The following GCLC variants were observed in gnomAD, a reference collection of about 807,000 sequenced individuals.
GCLC encodes the protein glutamate-cysteine ligase catalytic subunit.
Under a neutral mutation model 81.5 loss-of-function variants are expected in GCLC, and 30 were observed. That is an observed-to-expected ratio of 0.37 (90% CI 0.28 to 0.50). The LOEUF (loss-of-function observed/expected upper bound fraction) is 0.50. Among genes scored for constraint, GCLC ranks in the 20% least tolerant of loss-of-function variants. The pLI is 0.96. For synonymous variants in GCLC, 262 were observed against 273.3 expected (o/e 0.96, Z 0.41); for missense variants, 556 against 777.4 (o/e 0.72, Z 3.39).
chr6:53,543,751 G>A (rs1763398606), intron 1 of GCLC, among the ~76,000 whole-genome samples: 1 of 152,168 alleles, frequency 6.6e-6, no homozygotes, highest in South Asian at 2.1e-4. Context: ...ATAAACAATG[G>A]TTCAACCTAC....
intron 1 of GCLC, chr6:53,523,155 G>A (rs1311469923): frequency 1.3e-5 from 2 of 152,718 alleles, no homozygotes; most frequent in African/African-American, 2.4e-5. Context: ...AATGCAGGGT[G>A]CACTAGTACA....
chr6:53,513,773 A>G (rs1764803670), intron 6 of GCLC: 1 of 192,830 alleles, frequency 5.2e-6, no homozygotes, highest in Non-Finnish European at 1.1e-5. Context: ...ACCGCTAGAC[A>G]GCTTTGCACA....
intron 3 of GCLC, among the ~76,000 whole-genome samples, chr6:53,517,257 T>TTG (rs1561943922): frequency 3.3e-5 from 3 of 90,786 alleles, no homozygotes; most frequent in Non-Finnish European, 4.6e-5. Flanking sequence ...AAGTTTTTTT[T>TTG]TTTTTTTTTT....
intron 1 of GCLC, among the ~76,000 whole-genome samples, chr6:53,529,277 C>T (rs566415531): frequency 6.6e-6 from 1 of 152,246 alleles, no homozygotes; most frequent in Admixed American, 6.5e-5. Context: ...CTTTCATGCT[C>T]CACGGATGCA....
chr6:53,533,435 C>T (rs1763205254), intron 1 of GCLC, among the ~76,000 whole-genome samples: 1 of 152,146 alleles, frequency 6.6e-6, no homozygotes, highest in South Asian at 2.1e-4. Flanking sequence ...TCTTGAAAGC[C>T]TGCCATCATT....
chr6:53,543,563 T>C (rs1412058696), intron 1 of GCLC, among the ~76,000 whole-genome samples: 1 of 152,018 alleles, frequency 6.6e-6, no homozygotes, highest in African/African-American at 2.4e-5. Context: ...TTTACACAGG[T>C]GGCAAGCCAT....
chr6:53,513,308 C>T (rs917833724), intron 6 of GCLC: 6 of 152,204 alleles, frequency 3.9e-5, no homozygotes, highest in African/African-American at 1.4e-4. Flanking sequence ...TCTGCACGGC[C>T]CTGTGCCTCT....
intron 12 of GCLC, 93 bp from the exon 13 acceptor site, chr6:53,500,606 T>C (rs1001449630): frequency 1.1e-6 from 1 of 872,392 alleles, no homozygotes; most frequent in African/African-American, 1.6e-5. Context: ...TTAGGACTCA[T>C]TCCCTTAGGG....
chr6:53,539,562 C>T (rs1186323407), intron 1 of GCLC, among the ~76,000 whole-genome samples: 12 of 152,144 alleles, frequency 7.9e-5, no homozygotes, highest in Admixed American at 7.9e-4. Context: ...TCTAAAGTGG[C>T]AGCCTCTCCT....
In GCLC at chr6:53,525,315, G is replaced by A. The variant is rs1162216093; in HGVS notation, c.151-2788C>T. Among the ~76,000 whole-genome samples the A allele has an allele frequency of 2.0e-5, 3 of 152,238 alleles. No individual in the cohort carries two copies. The South Asian group carries it at 6.2e-4, about 32-fold the overall frequency. On this transcript the variant is annotated intron_variant, in intron 1 of 15. Transcript: ENST00000650454. ...TAGAGCCTGTCTATATGAGCATTCT[G>A]AATCGTAACTGCATATTTAAAAGTC...
intron 13 of GCLC, 40 bp downstream of exon 13, chr6:53,500,392 C>T: frequency 6.2e-7 from 1 of 1,601,514 alleles, no homozygotes; most frequent in Non-Finnish European, 8.6e-7. Context: ...CAGCTTGTTG[C>T]AGCATAAGCT....
intron 1 of GCLC, among the ~76,000 whole-genome samples, chr6:53,535,771 C>T (rs575416789): frequency 2.0e-5 from 3 of 152,306 alleles, no homozygotes; most frequent in South Asian, 2.1e-4. Flanking sequence ...AACGTACCAC[C>T]ACACTCCTAT....
chr6:53,535,448 A>G (rs1047447342), intron 1 of GCLC, among the ~76,000 whole-genome samples: 3 of 152,128 alleles, frequency 2.0e-5, no homozygotes, highest in African/African-American at 2.4e-5. Context: ...TGGAAGGTGG[A>G]GGTTGCACTT....
In GCLC at chr6:53,498,586, A is replaced by G; in HGVS notation, c.*170T>C. ...ACTTTACTATGTACATGTACACTGT[A>G]TAAACTCTAGATTTACCTACCAAAG... On this transcript the variant is annotated 3_prime_UTR_variant, in exon 16 of 16. Transcript: ENST00000650454. 1 of 655,858 alleles carries G rather than the reference A, an allele frequency of 1.5e-6. No individual in the cohort carries two copies. Among genetic ancestry groups the G allele is most frequent in the Non-Finnish European group, 2.8e-6 (1 of 362,256 alleles). 40.6% of individuals were successfully genotyped at this position (655,858 alleles called of 1,614,324 possible).
Position 53,513,128 on chromosome 6 carries a change from C to A in GCLC, c.753+1076G>T, listed in dbSNP as rs1227550471. On this transcript the variant is annotated intron_variant, in intron 6 of 15. Coordinates refer to ENST00000650454, the MANE Select transcript of GCLC (RefSeq NM_001498.4). Reference sequence around the variant, plus strand: ...TCAGAATGGAAAAATCTGATTCCAGCATTCAATTTGGATTATACTTAGTTT... The same window carrying A: ...TCAGAATGGAAAAATCTGATTCCAGAATTCAATTTGGATTATACTTAGTTT... The A allele has an allele frequency of 2.0e-5, 3 of 152,198 alleles. No homozygotes were observed. In the East Asian group the frequency reaches 5.8e-4, roughly 29 times the overall value. 9.4% of individuals were successfully genotyped at this position (152,198 alleles called of 1,614,324 possible). A position where few individuals can be genotyped will look rare whatever the true frequency, so the allele number is the denominator to read the frequency against.
At position 53,514,197 on chromosome 6, in the gene GCLC, A is replaced by T. The variant is rs745538087; in HGVS notation, c.753+7T>A. ...CACTTTGCCTCTCTGTATATTTGAA[A>T]CTATACCTGGAGACAGCAATTGCCC... is the stretch of plus-strand genomic sequence containing the variant. On this transcript the variant is annotated splice_region_variant and intron_variant, in intron 6 of 15. Transcript: ENST00000650454. The T allele has an allele frequency of 1.2e-6, 2 of 1,613,702 alleles. No individual in the cohort carries two copies. Among genetic ancestry groups the T allele is most frequent in the African/African-American group, 2.7e-5 (2 of 74,934 alleles).
intron 1 of GCLC, among the ~76,000 whole-genome samples, chr6:53,536,405 T>C (rs1763258066): frequency 6.6e-6 from 1 of 152,198 alleles, no homozygotes; most frequent in South Asian, 2.1e-4. Context: ...TATCAAAACT[T>C]ACCAAATTGT....
chr6:53,542,574 G>A (rs1763376192), intron 1 of GCLC, among the ~76,000 whole-genome samples: 1 of 152,010 alleles, frequency 6.6e-6, no homozygotes, highest in African/African-American at 2.4e-5. Flanking sequence ...GATGGATAAG[G>A]GGTGGTGGGG....
At chr6:53,533,846 G>A (rs188675389) in intron 1 of GCLC, among the ~76,000 whole-genome samples, 61 of 150,814 alleles carry the variant, frequency 4.0e-4, no homozygotes, top group African/African-American at 1.4e-3. Context: ...CCAGGCTGGA[G>A]TGCAATGGCG....
Sources: gnomAD v4.1 joint callset for allele counts (sites outside exome capture counted in the v4.1 genomes callset) on GRCh38, gnomAD v4.1.1 for gene constraint, MANE v1.5 for transcripts, NCBI Gene and HGNC (gene_info 2026-07-23, HGNC 2026-07-21) for gene names.